TSNARE1: variants seen among roughly 807,000 people sequenced by gnomAD.
TSNARE1 encodes the protein t-SNARE domain-containing protein 1.
Under a neutral mutation model 62.0 loss-of-function variants are expected in TSNARE1, and 49 were observed. The ratio of observed to expected loss-of-function variants is 0.79; its 90% CI spans 0.63 to 1.00. The LOEUF (loss-of-function observed/expected upper bound fraction) is 1.00. Among genes scored for constraint, TSNARE1 ranks in the 50% least tolerant of loss-of-function variants. The probability of loss-of-function intolerance (pLI) is 0.00; values close to 1 mark genes in which losing one functional copy is unlikely to be tolerated. For synonymous variants in TSNARE1, 328 were observed against 294.4 expected (o/e 1.11, Z -1.17); for missense variants, 755 against 700.1 (o/e 1.08, Z -0.88).
chr8:142,247,918 G>A (rs1239511088), intron 12 of TSNARE1: 3 of 152,302 alleles, frequency 2.0e-5, no homozygotes, highest in African/African-American at 4.8e-5. Flanking sequence ...GTGCTGGAAC[G>A]AGCTCGCATG....
chr8:142,270,350 C>T (rs1819412075), intron 12 of TSNARE1: 7 of 985,438 alleles, frequency 7.1e-6, no homozygotes, highest in East Asian at 1.1e-4. Flanking sequence ...CTCCAACTCA[C>T]GTGCTCGTCA....
chr8:142,271,150 C>G, intron 12 of TSNARE1: 1 of 988,068 alleles, frequency 1.0e-6, no homozygotes, highest in Non-Finnish European at 1.2e-6. Context: ...AGTGGGTGCC[C>G]TTGGGGCTGT....
At chr8:142,273,237 C>T in intron 12 of TSNARE1, 1 of 985,446 alleles carries the variant, frequency 1.0e-6, no homozygotes, top group Non-Finnish European at 1.2e-6. Flanking sequence ...CCTGCCGTCC[C>T]AGGCATCAGC....
rs1563760437 is a variant in TSNARE1, at chr8:142,226,985, C to CACCCACACAGCAGTGACAGCCAGGA, written c.*11+2487_*11+2488insTCCTGGCTGTCACTGCTGTGTGGGT. On this transcript the variant is annotated intron_variant, in intron 13 of 13. Transcript: ENST00000524325. The stretch of plus-strand genomic sequence containing the variant: ...CACCCACACGGCAGTGACAGCAAGG[C>CACCCACACAGCAGTGACAGCCAGGA]CCCCCACTGCACCCACACAGCAGTG... Among the ~76,000 whole-genome samples the CACCCACACAGCAGTGACAGCCAGGA allele has an allele frequency of 5.7e-3, 651 of 113,788 alleles. 13 individuals carry two copies. The highest frequency in any genetic ancestry group is 0.016 in the Middle Eastern group (3 of 188). The allele number at this position is 113,788 out of a possible 152,430, so 74.6% of individuals were successfully genotyped here.
intron 10 of TSNARE1, among the ~76,000 whole-genome samples, chr8:142,294,291 C>A (rs184063290): frequency 2.6e-5 from 4 of 152,232 alleles, no homozygotes; most frequent in Admixed American, 2.6e-4. Flanking sequence ...TCAATCACCT[C>A]GCTAACACCT....
chr8:142,358,871 C>T lies in TSNARE1; in HGVS notation c.-39-4108G>A, dbSNP rs530982756. Among the ~76,000 whole-genome samples the T allele has an allele frequency of 1.2e-4, 18 of 152,184 alleles. No individual in the cohort carries two copies. The South Asian group carries it at 3.5e-3, about 30-fold the overall frequency. On this transcript the variant is annotated intron_variant, in intron 1 of 13. Coordinates refer to ENST00000524325, the MANE Select transcript of TSNARE1 (RefSeq NM_145003.5). ...AGGTGCCCCACGCTTCCACTTCCCT[C>T]CAGTGTCCGACTCAACCCCCATCCT...
chr8:142,286,335 C>CG (rs1822736850), intron 10 of TSNARE1, among the ~76,000 whole-genome samples: 1 of 152,238 alleles, frequency 6.6e-6, no homozygotes, highest in Admixed American at 6.5e-5. Context: ...TTTCACCCCA[C>CG]TGCAAAATGT....
chr8:142,220,120 C>G (rs1816139850), intron 13 of TSNARE1, among the ~76,000 whole-genome samples: 1 of 152,234 alleles, frequency 6.6e-6, no homozygotes, highest in Non-Finnish European at 1.5e-5. Flanking sequence ...AGTAACGCAG[C>G]CCGCAAGAGT....
intron 12 of TSNARE1, among the ~76,000 whole-genome samples, chr8:142,247,310 G>C (rs545209925): frequency 6.6e-6 from 1 of 152,244 alleles, no homozygotes; most frequent in Non-Finnish European, 1.5e-5. Context: ...ACCCTGGTGC[G>C]TCTAGAAGGT....
intron 12 of TSNARE1, chr8:142,271,477 A>ATCTC: frequency 7.8e-7 from 1 of 1,278,988 alleles, no homozygotes; most frequent in Non-Finnish European, 9.9e-7. Flanking sequence ...AGGGCAAGGG[A>ATCTC]GGTGCTGGCG....
intron 1 of TSNARE1, among the ~76,000 whole-genome samples, chr8:142,356,816 A>G (rs373919424): frequency 6.6e-6 from 1 of 152,124 alleles, no homozygotes; most frequent in African/African-American, 2.4e-5. Flanking sequence ...CCAGCTGCTA[A>G]GTGGTGGAGA....
intron 13 of TSNARE1, among the ~76,000 whole-genome samples, chr8:142,223,259 C>CTCAG (rs1563757086): frequency 1.5e-4 from 9 of 61,966 alleles, no homozygotes; most frequent in African/African-American, 3.2e-4. Flanking sequence ...CACTCATTCA[C>CTCAG]TCACTCACTC....
intron 1 of TSNARE1, among the ~76,000 whole-genome samples, chr8:142,374,802 G>C (rs563704131): frequency 1.3e-5 from 2 of 152,282 alleles, no homozygotes; most frequent in South Asian, 4.1e-4. Flanking sequence ...AGTGGGGGCA[G>C]GGAGGGGCTG....
chr8:142,354,197 T>C (rs1374025401), intron 2 of TSNARE1, among the ~76,000 whole-genome samples: 4 of 152,158 alleles, frequency 2.6e-5, no homozygotes, highest in Admixed American at 1.3e-4. Context: ...ACCCCAGCTC[T>C]GCCCTGCACC....
chr8:142,325,419 A>G (rs1189005052), intron 6 of TSNARE1, among the ~76,000 whole-genome samples: 1 of 152,194 alleles, frequency 6.6e-6, no homozygotes, highest in Non-Finnish European at 1.5e-5. Flanking sequence ...CGTCGGGGGC[A>G]AGACTAGGGG....
chr8:142,229,931 T>C (rs1185539633), intron 12 of TSNARE1, among the ~76,000 whole-genome samples: 1 of 152,134 alleles, frequency 6.6e-6, no homozygotes, highest in Non-Finnish European at 1.5e-5. Flanking sequence ...TTTGTAAGGA[T>C]AAGATGATGC....
chr8:142,285,937 G>C (rs1822667083), intron 10 of TSNARE1, among the ~76,000 whole-genome samples: 1 of 152,174 alleles, frequency 6.6e-6, no homozygotes, highest in African/African-American at 2.4e-5. Flanking sequence ...CACCCACCCA[G>C]GGGCATCCTA....
At chr8:142,307,167 A>G (rs1416204851) in intron 9 of TSNARE1, among the ~76,000 whole-genome samples, 2 of 152,136 alleles carry the variant, frequency 1.3e-5, no homozygotes, top group Non-Finnish European at 2.9e-5. Context: ...TGGCTGCTGT[A>G]GAGTCCCCAG....
At chr8:142,369,143 G>A (rs536402931) in intron 1 of TSNARE1, among the ~76,000 whole-genome samples, 29 of 152,314 alleles carry the variant, frequency 1.9e-4, no homozygotes, top group African/African-American at 6.5e-4. Flanking sequence ...GAAACAGTGT[G>A]GGGAGAGACC....
Sources: allele counts gnomAD v4.1 joint callset (sites outside exome capture counted in the v4.1 genomes callset), GRCh38; gene constraint gnomAD v4.1.1; transcripts MANE v1.5; gene names NCBI Gene and HGNC (gene_info 2026-07-23, HGNC 2026-07-21).